The following ADAMTS20 variants were observed in gnomAD, a reference collection of about 807,000 sequenced individuals.
The protein encoded by ADAMTS20 is A disintegrin and metalloproteinase with thrombospondin motifs 20.
A neutral mutation model predicts 260.1 loss-of-function variants in ADAMTS20; 225 were observed. The observed-to-expected ratio is 0.87, with a 90% confidence interval of 0.78 to 0.97. The LOEUF is 0.97. Among genes scored for constraint, ADAMTS20 ranks in the 50% least tolerant of loss-of-function variants. The pLI, the probability that ADAMTS20 is intolerant of heterozygous loss-of-function variation, is 0.00. For missense variants in ADAMTS20, 2,400 were observed against 2,337.7 expected, an observed-to-expected ratio of 1.03 and a Z score of -0.55; for synonymous variants, 802 against 769.5, an observed-to-expected ratio of 1.04 and a Z score of -0.70.
At chr12:43,408,037 C>A (rs1405939269) in intron 28 of ADAMTS20, among the ~76,000 whole-genome samples, 2 of 152,078 alleles carry the variant, frequency 1.3e-5, no homozygotes, top group Non-Finnish European at 2.9e-5. Flanking sequence ...TAACATGAAC[C>A]TTTACAAGTA....
At chr12:43,523,064 A>G (rs1395816864) in intron 3 of ADAMTS20, among the ~76,000 whole-genome samples, 3 of 152,194 alleles carry the variant, frequency 2.0e-5, no homozygotes, top group Non-Finnish European at 4.4e-5. Flanking sequence ...ACCTATTTAA[A>G]GGATTCTCTG....
At position 43,551,410 on chromosome 12, in the gene ADAMTS20, C is replaced by T. The variant is rs74084055; in HGVS notation, c.92-140G>A. ...CAAGACAAATGCACACATGCTGATG[C>T]GCACGCACACACACACACGTGCACT... is the stretch of plus-strand genomic sequence containing the variant. On this transcript the variant is annotated intron_variant, in intron 1 of 38. Coordinates refer to ENST00000389420, the MANE Select transcript of ADAMTS20 (RefSeq NM_025003.5). This position sits in a 1 kb window ranked among gnomAD's most constrained non-coding sequence, Gnocchi z 4.6. 2.9e-3 allele frequency: 3,568 copies of T among 1,224,602 alleles called. 59 individuals are homozygous for T. In the African/African-American group the frequency reaches 0.032, roughly 11 times the overall value. The allele number at this position is 1,224,602 out of a possible 1,614,324, so 75.9% of individuals were successfully genotyped here. A position where few individuals can be genotyped will look rare whatever the true frequency, so the allele number is the denominator to read the frequency against.
intron 28 of ADAMTS20, among the ~76,000 whole-genome samples, chr12:43,411,868 G>C (rs1008613437): frequency 6.6e-6 from 1 of 152,016 alleles, no homozygotes; most frequent in African/African-American, 2.4e-5. Flanking sequence ...AATTTTCAGA[G>C]CCTCAGAGTG....
At chr12:43,503,468 CT>C (rs1194253915) in intron 3 of ADAMTS20, among the ~76,000 whole-genome samples, 2 of 151,916 alleles carry the variant, frequency 1.3e-5, no homozygotes, top group African/African-American at 4.8e-5. Flanking sequence ...AATCCTATGG[CT>C]GTAAGAAAGA....
At chr12:43,524,692 A>G (rs1413319994) in intron 3 of ADAMTS20, among the ~76,000 whole-genome samples, 1 of 152,236 alleles carries the variant, frequency 6.6e-6, no homozygotes, top group Non-Finnish European at 1.5e-5. Context: ...GAAATGAAAG[A>G]TATACTTAGG....
intron 28 of ADAMTS20, among the ~76,000 whole-genome samples, chr12:43,414,198 T>C (rs914161307): frequency 2.0e-5 from 3 of 152,176 alleles, no homozygotes; most frequent in Non-Finnish European, 4.4e-5. Flanking sequence ...GCAAGTTTTC[T>C]CTCCTAAAAA....
chr12:43,506,797 T>TA (rs1183680423), intron 3 of ADAMTS20, among the ~76,000 whole-genome samples: 48 of 145,536 alleles, frequency 3.3e-4, no homozygotes, highest in African/African-American at 9.2e-4. Context: ...TTTTTTTTTT[T>TA]ACCACAATTA....
At chr12:43,421,800 T>C (rs1244849094) in intron 28 of ADAMTS20, among the ~76,000 whole-genome samples, 1 of 152,042 alleles carries the variant, frequency 6.6e-6, no homozygotes, top group African/African-American at 2.4e-5. Context: ...CTAACAAGAA[T>C]ATTATGTAAA....
intron 28 of ADAMTS20, among the ~76,000 whole-genome samples, chr12:43,414,312 A>T (rs577181921): frequency 6.6e-6 from 1 of 152,220 alleles, no homozygotes; most frequent in Admixed American, 6.5e-5. Context: ...GTTCACTTTA[A>T]TCCTCTCAGA....
At chr12:43,400,399 A>T (rs7969940) in intron 28 of ADAMTS20, among the ~76,000 whole-genome samples, 37,764 of 151,848 alleles carry the variant, frequency 0.25, 5,297 homozygotes, top group African/African-American at 0.38. Context: ...AGTCTGGAGA[A>T]AATTTACCTT....
intron 18 of ADAMTS20, 65 bp downstream of exon 18, chr12:43,439,557 A>G (rs1941619351): frequency 1.3e-6 from 2 of 1,546,662 alleles, no homozygotes; most frequent in Admixed American, 2.0e-5. Flanking sequence ...CCAAGACTCA[A>G]AAGTACCCAA....
chr12:43,537,051 A>G (rs550528216), intron 2 of ADAMTS20, among the ~76,000 whole-genome samples: 123 of 149,874 alleles, frequency 8.2e-4, no homozygotes, highest in Non-Finnish European at 9.9e-4. Context: ...TAAAAAGCAT[A>G]TTTTATTTTA....
chr12:43,457,967 G>A (rs914576029), intron 11 of ADAMTS20, among the ~76,000 whole-genome samples: 1 of 152,190 alleles, frequency 6.6e-6, no homozygotes, highest in African/African-American at 2.4e-5. Flanking sequence ...ATTTATGACA[G>A]GTCTCAGTTA....
At chr12:43,436,702 ACACT>A (rs1941562422) in intron 18 of ADAMTS20, among the ~76,000 whole-genome samples, 1 of 152,156 alleles carries the variant, frequency 6.6e-6, no homozygotes, top group Non-Finnish European at 1.5e-5. Context: ...AGCTGGGAAC[ACACT>A]CTACTGAAAC....
chr12:43,377,182 G>A (rs1043663788), intron 32 of ADAMTS20, among the ~76,000 whole-genome samples, 183 bp downstream of exon 32: 3 of 152,138 alleles, frequency 2.0e-5, no homozygotes, highest in African/African-American at 4.8e-5. Flanking sequence ...TGCTTTAAGC[G>A]AGTTATAGCA....
At chr12:43,409,551 G>A (rs1254029545) in intron 28 of ADAMTS20, among the ~76,000 whole-genome samples, 1 of 121,262 alleles carries the variant, frequency 8.2e-6, no homozygotes, top group East Asian at 2.3e-4. Context: ...GCAGTGAGCC[G>A]AGATCCCGCC....
intron 31 of ADAMTS20, among the ~76,000 whole-genome samples, chr12:43,381,061 G>C (rs116327861): frequency 2.2e-3 from 342 of 152,202 alleles, no homozygotes; most frequent in African/African-American, 7.9e-3. Flanking sequence ...AAATAGAATT[G>C]AGAGTTCAGA....
At chr12:43,396,363 G>A (rs1940703096) in intron 29 of ADAMTS20, among the ~76,000 whole-genome samples, 1 of 152,064 alleles carries the variant, frequency 6.6e-6, no homozygotes, top group Non-Finnish European at 1.5e-5. Flanking sequence ...ATTATATTAA[G>A]GTAATGTTAC....
rs375559854 is a variant in ADAMTS20, at chr12:43,441,078, C to A, written c.2291-1009G>T. 1.2e-3 allele frequency among the ~76,000 whole-genome samples: 165 copies of A among 140,198 alleles called. No individual in the cohort carries two copies. In the East Asian group the frequency reaches 0.027, roughly 23 times the overall value. The allele number at this position is 140,198 out of a possible 152,430, so 92.0% of individuals were successfully genotyped here. A position where few individuals can be genotyped will look rare whatever the true frequency, so the allele number is the denominator to read the frequency against. On this transcript the variant is annotated intron_variant, in intron 16 of 38. Transcript: ENST00000389420. ...AGACTCCGTCTCCAAAAAAAAAAAA[C>A]AAAAAAAAAACTCTAGGGTCAACAT...
Sources: allele counts gnomAD v4.1 joint callset (sites outside exome capture counted in the v4.1 genomes callset), GRCh38; gene constraint gnomAD v4.1.1; non-coding constraint Gnocchi (gnomAD v3.1); transcripts MANE v1.5; gene names NCBI Gene and HGNC (gene_info 2026-07-23, HGNC 2026-07-21).